FLT3: variants seen among roughly 807,000 people sequenced by gnomAD.
FLT3 encodes fms related receptor tyrosine kinase 3.
Under a neutral mutation model 126.6 loss-of-function variants are expected in FLT3, and 46 were observed. That is an observed-to-expected ratio of 0.36 (90% CI 0.29 to 0.46). The LOEUF (loss-of-function observed/expected upper bound fraction) is 0.46. FLT3 is among the 20% of genes least tolerant of loss of function. The pLI is 1.00. For missense variants in FLT3, 1,069 were observed against 1,190.3 expected (o/e 0.90, Z 1.50); for synonymous variants, 404 against 434.4 (o/e 0.93, Z 0.87).
chr13:28,092,915 C>CTTT (rs780584936), intron 1 of FLT3, among the ~76,000 whole-genome samples: 111 of 89,836 alleles, frequency 1.2e-3, no homozygotes, highest in Non-Finnish European at 1.6e-3. Context: ...CCAGAGACTA[C>CTTT]TTTTTTTTTT....
At chr13:28,042,659 C>A (rs1192965553) in intron 9 of FLT3, among the ~76,000 whole-genome samples, 1 of 152,124 alleles carries the variant, frequency 6.6e-6, no homozygotes, top group African/African-American at 2.4e-5. Flanking sequence ...AAAGAAGGAT[C>A]TTTTATTCTC....
intron 23 of FLT3, among the ~76,000 whole-genome samples, chr13:28,013,947 G>C (rs1252379396): frequency 6.6e-6 from 1 of 152,118 alleles, no homozygotes; most frequent in African/African-American, 2.4e-5. Flanking sequence ...AATCAGGAAA[G>C]GTGTTTTTTT....
At chr13:28,074,281 A>G (rs1250594099) in intron 1 of FLT3, among the ~76,000 whole-genome samples, 1 of 152,200 alleles carries the variant, frequency 6.6e-6, no homozygotes, top group Non-Finnish European at 1.5e-5. Context: ...AATCTGTTGT[A>G]TAGATATATA....
At chr13:28,082,317 A>AT (rs1335492022) in intron 1 of FLT3, among the ~76,000 whole-genome samples, 1 of 152,108 alleles carries the variant, frequency 6.6e-6, no homozygotes, top group East Asian at 1.9e-4. Flanking sequence ...CACTCAGCTA[A>AT]TTTTTAAAAA....
At chr13:28,062,441 G>T (rs1317024033) in intron 2 of FLT3, among the ~76,000 whole-genome samples, 1 of 151,896 alleles carries the variant, frequency 6.6e-6, no homozygotes, top group Non-Finnish European at 1.5e-5. Flanking sequence ...AGTATGACTC[G>T]TGTCCTTATA....
intron 23 of FLT3, among the ~76,000 whole-genome samples, chr13:28,008,274 T>G (rs1308114695): frequency 9.0e-5 from 2 of 22,308 alleles, no homozygotes; most frequent in Non-Finnish European, 1.1e-4. Flanking sequence ...AGAACCTGTC[T>G]CAAAAAAAAA....
At chr13:28,041,405 C>G (rs1181850638) in intron 9 of FLT3, among the ~76,000 whole-genome samples, 1 of 152,210 alleles carries the variant, frequency 6.6e-6, no homozygotes, top group Non-Finnish European at 1.5e-5. Context: ...AGTACAATTA[C>G]TTATCATGAG....
At chr13:28,028,896 C>A (rs1357576425) in intron 15 of FLT3, among the ~76,000 whole-genome samples, 1 of 151,892 alleles carries the variant, frequency 6.6e-6, no homozygotes, top group African/African-American at 2.4e-5. Context: ...ATCCTCCTAC[C>A]TCAGCCCTCC....
At chr13:28,077,380 A>G (rs1878027207) in intron 1 of FLT3, among the ~76,000 whole-genome samples, 1 of 152,202 alleles carries the variant, frequency 6.6e-6, no homozygotes, top group Non-Finnish European at 1.5e-5. Context: ...CACTTCTCAC[A>G]TGGTGGCAGC....
At chr13:28,069,543 C>G (rs1406880963) in intron 2 of FLT3, among the ~76,000 whole-genome samples, 2 of 152,088 alleles carry the variant, frequency 1.3e-5, no homozygotes, top group African/African-American at 4.8e-5. Flanking sequence ...GGGATTCAGG[C>G]TTGGAAGAAA....
At chr13:28,048,177 T>C (rs973395149) in intron 9 of FLT3, 98 bp downstream of exon 9, 4 of 873,106 alleles carry the variant, frequency 4.6e-6, no homozygotes, top group Non-Finnish European at 7.2e-6. Context: ...AACTCATAAG[T>C]GAATTTGCTT....
At chr13:28,063,916 G>A (rs1417805092) in intron 2 of FLT3, among the ~76,000 whole-genome samples, 1 of 152,184 alleles carries the variant, frequency 6.6e-6, no homozygotes, top group African/African-American at 2.4e-5. Flanking sequence ...GGATGTTTAA[G>A]TTTTTCACCC....
In FLT3 at chr13:28,015,631, A is replaced by T; in HGVS notation, c.2612T>A (p.Val871Asp). ...FEGIYTIKSD[V>D]WSYGILLWEI... ...CCACAGTAATATTCCATATGACCAG[A>T]CATCACTCTTAATGGTGTAGATGCC... is the stretch of plus-strand genomic sequence containing the variant. The change falls in exon 21 of 24, where the codon GTC becomes GAC. Residue 871 changes from valine to aspartate, a missense_variant. Coordinates refer to ENST00000241453, the MANE Select transcript of FLT3 (RefSeq NM_004119.3). The T allele has an allele frequency of 6.2e-7, 1 of 1,613,234 alleles. No homozygotes were observed. The highest frequency in any genetic ancestry group is 8.5e-7 in the Non-Finnish European group (1 of 1,179,530).
At chr13:28,073,940 T>A (rs1213410184) in intron 1 of FLT3, among the ~76,000 whole-genome samples, 6 of 132,504 alleles carry the variant, frequency 4.5e-5, no homozygotes, top group Admixed American at 7.7e-5. Context: ...ATCCTGCCTC[T>A]AAAAAAAAAA....
rs776952835 is a variant in FLT3 at position 28,015,604 on chromosome 13, T to G, written c.2639A>C (p.Glu880Ala). ...DVWSYGILLW[E>A]IFSLGVNPYP... The stretch of plus-strand genomic sequence containing the variant: ...GCCCAACTTACCAAGTGAGAAGATT[T>G]CCCACAGTAATATTCCATATGACCA... The change falls in exon 21 of 24, where the codon GAA (glutamate) becomes GCA (alanine). Residue 880 changes from glutamate to alanine, a missense_variant. Transcript: ENST00000241453. 16 of 1,607,764 alleles carry G rather than the reference T, an allele frequency of 1.0e-5. No homozygotes were observed. The highest frequency in any genetic ancestry group is 1.7e-5 in the Admixed American group (1 of 59,550).
rs190201955 is a variant in FLT3, at chr13:28,051,201, A to G, written c.615-979T>C. Among the ~76,000 whole-genome samples the G allele has an allele frequency of 3.7e-4, 57 of 152,278 alleles. No individual in the cohort carries two copies. The East Asian group carries it at 8.5e-3, about 23-fold the overall frequency. The stretch of plus-strand genomic sequence containing the variant: ...TTCCCAGAACAAACAGGATAATCAG[A>G]AATTAAACATTTTGTCACAAGGAAT... On this transcript the variant is annotated intron_variant, in intron 5 of 23. Coordinates refer to ENST00000241453, the MANE Select transcript of FLT3 (RefSeq NM_004119.3).
intron 19 of FLT3, 27 bp from the exon 20 acceptor site, chr13:28,018,616 T>C: frequency 6.2e-7 from 1 of 1,612,784 alleles, no homozygotes; most frequent in South Asian, 1.1e-5. Flanking sequence ...CAGAGTGTTA[T>C]TTACTGTGAT....
chr13:28,083,789 T>C (rs1566104456), intron 1 of FLT3, among the ~76,000 whole-genome samples: 1 of 152,190 alleles, frequency 6.6e-6, no homozygotes, highest in Non-Finnish European at 1.5e-5. Flanking sequence ...AATATTTCCA[T>C]ATTAACCGTT....
chr13:28,049,860 C>T, intron 6 of FLT3, 86 bp from the exon 7 acceptor site: 2 of 1,404,780 alleles, frequency 1.4e-6, no homozygotes, highest in Non-Finnish European at 1.9e-6. Context: ...TGAACAAAGA[C>T]TTTAGCATCA....
Sources: gnomAD v4.1 joint callset for allele counts (sites outside exome capture counted in the v4.1 genomes callset) on GRCh38, gnomAD v4.1.1 for gene constraint, MANE v1.5 for transcripts, NCBI Gene and HGNC (gene_info 2026-07-23, HGNC 2026-07-21) for gene names.